The following PRKG1 variants were observed in gnomAD, a reference collection of about 807,000 sequenced individuals.
PRKG1 encodes cGMP-dependent protein kinase 1.
A neutral mutation model predicts 88.1 loss-of-function variants in PRKG1; 35 were observed. That is an observed-to-expected ratio of 0.40 (90% CI 0.30 to 0.53). The LOEUF is 0.53. PRKG1 is among the 20% of genes least tolerant of loss of function. The pLI is 0.59. For missense variants in PRKG1, 540 were observed against 839.8 expected, an observed-to-expected ratio of 0.64 and a Z score of 4.41; for synonymous variants, 303 against 292.5, an observed-to-expected ratio of 1.04 and a Z score of -0.37.
intron 2 of PRKG1, among the ~76,000 whole-genome samples, chr10:51,334,409 A>G (rs1359738500): frequency 6.6e-6 from 1 of 152,190 alleles, no homozygotes; most frequent in African/African-American, 2.4e-5. Flanking sequence ...TGAGGGAAGA[A>G]ACCGTGGCCT....
chr10:52,085,852 C>CT (rs933721756), intron 7 of PRKG1, among the ~76,000 whole-genome samples: 25 of 151,994 alleles, frequency 1.6e-4, no homozygotes, highest in Non-Finnish European at 3.2e-4. Context: ...CATATTTACT[C>CT]TTTTTTTCAG....
intron 2 of PRKG1, among the ~76,000 whole-genome samples, chr10:51,285,812 C>T (rs1413911826): frequency 6.6e-6 from 1 of 152,132 alleles, no homozygotes; most frequent in Non-Finnish European, 1.5e-5. Context: ...CTGAAGCCGT[C>T]CCCCGCTTAT....
chr10:52,003,314 T>C (rs753834821), intron 5 of PRKG1, among the ~76,000 whole-genome samples: 2 of 152,230 alleles, frequency 1.3e-5, no homozygotes, highest in Admixed American at 6.5e-5. Flanking sequence ...TGAAATTTCT[T>C]GATTCATTTA....
At chr10:51,728,404 A>T (rs1842186779) in intron 3 of PRKG1, among the ~76,000 whole-genome samples, 1 of 151,706 alleles carries the variant, frequency 6.6e-6, no homozygotes, top group African/African-American at 2.4e-5. Context: ...TAGCATCTTT[A>T]AAAATGTGCT....
intron 3 of PRKG1, among the ~76,000 whole-genome samples, chr10:51,692,916 T>G (rs933098547): frequency 1.3e-5 from 2 of 152,178 alleles, no homozygotes; most frequent in Non-Finnish European, 2.9e-5. Flanking sequence ...TACTTTTTAT[T>G]TTTTTATTTT....
At chr10:51,221,942 T>G (rs1168646539) in intron 2 of PRKG1, among the ~76,000 whole-genome samples, 2 of 149,578 alleles carry the variant, frequency 1.3e-5, no homozygotes, top group Non-Finnish European at 3.0e-5. Flanking sequence ...TGGCACCATC[T>G]TGGCTCACTG....
intron 2 of PRKG1, among the ~76,000 whole-genome samples, chr10:51,154,049 T>C (rs113437490): frequency 2.0e-5 from 3 of 152,078 alleles, no homozygotes; most frequent in African/African-American, 7.2e-5. Context: ...AGTGCAGAAA[T>C]ACCTATAATG....
chr10:51,267,983 A>G (rs1033401110), intron 2 of PRKG1, among the ~76,000 whole-genome samples: 2 of 152,114 alleles, frequency 1.3e-5, no homozygotes, highest in African/African-American at 4.8e-5. Flanking sequence ...GTTCTTTTCT[A>G]TTTTCCCTAA....
rs1433343036 is a variant in PRKG1 at position 51,818,931 on chromosome 10, C to T, written c.698+14241C>T. Among the ~76,000 whole-genome samples, 7 of 111,622 alleles carry T rather than the reference C, an allele frequency of 6.3e-5. 3 individuals are homozygous for T. The highest frequency in any genetic ancestry group is 2.8e-4 in the African/African-American group (6 of 21,698). The allele number at this position is 111,622 out of a possible 152,430, so 73.2% of individuals were successfully genotyped here. A position where few individuals can be genotyped will look rare whatever the true frequency, so the allele number is the denominator to read the frequency against. ...CTGAGGCAGGAGAATGGCGTGAACCCGGGAGGCGGAGCTTGCAGTGAGCCG... is the reference window on the plus strand; with the variant it reads ...CTGAGGCAGGAGAATGGCGTGAACCTGGGAGGCGGAGCTTGCAGTGAGCCG... On this transcript the variant is annotated intron_variant, in intron 4 of 17. Transcript: ENST00000373980.
At chr10:52,139,933 C>T (rs963712895) in intron 8 of PRKG1, among the ~76,000 whole-genome samples, 2 of 152,174 alleles carry the variant, frequency 1.3e-5, no homozygotes, top group Non-Finnish European at 2.9e-5. Flanking sequence ...GTTGCAGCTA[C>T]TCAACTCTGT....
chr10:52,247,491 C>T (rs1178459003), intron 9 of PRKG1, among the ~76,000 whole-genome samples: 1 of 152,062 alleles, frequency 6.6e-6, no homozygotes, highest in African/African-American at 2.4e-5. Flanking sequence ...ATTTACTTAA[C>T]CATTTATTTA....
At chr10:51,410,477 T>C (rs1010234860) in intron 2 of PRKG1, among the ~76,000 whole-genome samples, 1 of 152,132 alleles carries the variant, frequency 6.6e-6, no homozygotes, top group East Asian at 1.9e-4. Flanking sequence ...GTCTAGTCTT[T>C]TCATGTTTTT....
chr10:51,342,360 T>C (rs981844374), intron 2 of PRKG1, among the ~76,000 whole-genome samples: 2 of 152,054 alleles, frequency 1.3e-5, no homozygotes, highest in Non-Finnish European at 2.9e-5. Context: ...CTAAGAGAAA[T>C]AGCTCAATTT....
rs578172670 is a variant in PRKG1, at chr10:51,807,613, T to C, written c.698+2923T>C. 5.9e-5 allele frequency among the ~76,000 whole-genome samples: 9 copies of C among 152,312 alleles called. No homozygotes were observed. In the South Asian group the frequency reaches 1.0e-3, roughly 18 times the overall value. ...TGAAAAGAGAGTGCTCTAATGATAGTGGCCTAAGTGAGGAAAACCAGCAAG... is the reference window on the plus strand; with the variant it reads ...TGAAAAGAGAGTGCTCTAATGATAGCGGCCTAAGTGAGGAAAACCAGCAAG... On this transcript the variant is annotated intron_variant, in intron 4 of 17. Coordinates refer to ENST00000373980, the MANE Select transcript of PRKG1 (RefSeq NM_006258.4).
chr10:52,271,250 A>T, intron 10 of PRKG1, 100 bp from the exon 11 acceptor site: 2 of 1,273,464 alleles, frequency 1.6e-6, no homozygotes, highest in South Asian at 3.0e-5. Context: ...GAGGTGGCTG[A>T]GGTTCATTTA....
chr10:51,153,114 A>G (rs372945312), intron 1 of PRKG1, 50 bp from the exon 2 acceptor site: 21 of 1,566,130 alleles, frequency 1.3e-5, no homozygotes, highest in African/African-American at 9.5e-5. Flanking sequence ...CTCACAAACT[A>G]TGAAAGAGCT....
At position 51,388,829 on chromosome 10, in the gene PRKG1, A is replaced by C. The variant is rs1034970678; in HGVS notation, c.479-78894A>C. On this transcript the variant is annotated intron_variant, in intron 2 of 17. Coordinates refer to ENST00000373980, the MANE Select transcript of PRKG1 (RefSeq NM_006258.4). ...CCAGCAAGGTGGTCTGGTTAAAAGG[A>C]AGTTTTTTTCTCACCAGCGTTCTAG... is the stretch of plus-strand genomic sequence containing the variant. 3.9e-5 allele frequency among the ~76,000 whole-genome samples: 6 copies of C among 152,228 alleles called. No homozygotes were observed. The East Asian group carries it at 9.6e-4, about 24-fold the overall frequency.
In PRKG1 at chr10:51,287,264, A is replaced by G. The variant is rs372065961; in HGVS notation, c.478+133934A>G. Among the ~76,000 whole-genome samples the G allele has an allele frequency of 9.9e-5, 15 of 152,232 alleles. No individual in the cohort carries two copies. In the East Asian group the frequency reaches 1.4e-3, roughly 14 times the overall value. On this transcript the variant is annotated intron_variant, in intron 2 of 17. Coordinates refer to ENST00000373980, the MANE Select transcript of PRKG1 (RefSeq NM_006258.4). ...ATTCATTTGCTCAGGTTTGTAGAGT[A>G]TTTACTGAGGGCCAGGTGGTATATA...
intron 4 of PRKG1, among the ~76,000 whole-genome samples, chr10:51,858,002 G>A (rs1295391715): frequency 6.9e-6 from 1 of 144,286 alleles, no homozygotes; most frequent in Non-Finnish European, 1.5e-5. Flanking sequence ...TTAGTGAGAA[G>A]CCTGTGTGTC....
Sources: gnomAD v4.1 joint callset for allele counts (sites outside exome capture counted in the v4.1 genomes callset) on GRCh38, gnomAD v4.1.1 for gene constraint, MANE v1.5 for transcripts, NCBI Gene and HGNC (gene_info 2026-07-23, HGNC 2026-07-21) for gene names.